TCF12: variants seen among roughly 807,000 people sequenced by gnomAD.
TCF12 encodes DNA-binding protein HTF4.
TCF12 carries 45 observed loss-of-function variants against 86.0 expected under a neutral mutation model. The observed-to-expected ratio is 0.52, with a 90% CI of 0.41 to 0.67. The LOEUF is 0.67. Ranked by LOEUF, TCF12 falls within the 30% of genes least tolerant of loss-of-function variation. The pLI, the probability that TCF12 is intolerant of heterozygous loss-of-function variation, is 0.00. For synonymous variants in TCF12, 330 were observed against 299.6 expected (o/e 1.10, Z -1.05); for missense variants, 881 against 859.9 (o/e 1.02, Z -0.31).
chr15:56,950,640 TTAATTG>T (rs2061223837), intron 3 of TCF12, among the ~76,000 whole-genome samples: 1 of 152,196 alleles, frequency 6.6e-6, no homozygotes, highest in Non-Finnish European at 1.5e-5. Flanking sequence ...TTCTTATTTC[TTAATTG>T]TAATTCATAT....
intron 3 of TCF12, among the ~76,000 whole-genome samples, chr15:57,043,698 G>A (rs2067043288): frequency 6.6e-6 from 1 of 152,182 alleles, no homozygotes; most frequent in Admixed American, 6.5e-5. Context: ...TGAATTTCTG[G>A]AAGTCTTTGT....
intron 5 of TCF12, among the ~76,000 whole-genome samples, chr15:57,106,330 TG>T (rs36044420): frequency 0.89 from 135,044 of 152,228 alleles, 60,446 homozygotes; most frequent in East Asian, 0.97. Flanking sequence ...TTACGTAAGA[TG>T]GTAGGGGAAA....
intron 3 of TCF12, among the ~76,000 whole-genome samples, chr15:56,968,742 G>A (rs566316255): frequency 1.3e-5 from 2 of 152,326 alleles, no homozygotes; most frequent in Non-Finnish European, 2.9e-5. Flanking sequence ...GGTTAAGGAT[G>A]TGCCAGTGAC....
At chr15:56,920,997 C>G in intron 2 of TCF12, 29 bp from the exon 3 acceptor site, 2 of 1,554,232 alleles carry the variant, frequency 1.3e-6, no homozygotes, top group Non-Finnish European at 1.7e-6. Context: ...AATTTCAGGA[C>G]TAACAGATAT....
chr15:57,152,968 A>G lies in TCF12; in HGVS notation c.326-13434A>G, dbSNP rs146443498. Among the ~76,000 whole-genome samples, 168 of 152,310 alleles carry G rather than the reference A, an allele frequency of 1.1e-3. 1 individual carries two copies. Among genetic ancestry groups the G allele is most frequent in the African/African-American group, 3.8e-3 (158 of 41,550 alleles). On this transcript the variant is annotated intron_variant, in intron 5 of 20. Coordinates refer to ENST00000333725, the MANE Select transcript of TCF12 (RefSeq NM_207037.2). ...AGGCAGAAAAAAAAACACATCATGT[A>G]TAGAACAACAAAGATAAACTACAGC...
chr15:57,018,858 G>A (rs1298945072), intron 3 of TCF12, among the ~76,000 whole-genome samples: 3 of 152,190 alleles, frequency 2.0e-5, no homozygotes, highest in African/African-American at 4.8e-5. Context: ...TGCTTTGGAT[G>A]TTGATGAGCC....
intron 4 of TCF12, among the ~76,000 whole-genome samples, chr15:57,073,441 CAATG>C (rs1350505886): frequency 1.3e-5 from 2 of 152,106 alleles, no homozygotes; most frequent in Admixed American, 6.5e-5. Context: ...AAATTAATAA[CAATG>C]AAATCATAAC....
intron 5 of TCF12, chr15:57,129,890 A>G (rs529760454): frequency 2.7e-4 from 41 of 152,332 alleles, no homozygotes; most frequent in African/African-American, 7.5e-4. Context: ...AGATTTTTGT[A>G]TTCGTGCTAG....
chr15:57,199,282 A>T (rs1188319463), intron 8 of TCF12, among the ~76,000 whole-genome samples: 2 of 152,216 alleles, frequency 1.3e-5, no homozygotes, highest in African/African-American at 4.8e-5. Context: ...GTGGTTCAAC[A>T]GCATAACAGA....
intron 13 of TCF12, chr15:57,247,045 G>T: frequency 3.6e-6 from 2 of 554,544 alleles, no homozygotes; most frequent in Non-Finnish European, 7.0e-6. Flanking sequence ...CCTTTCATGG[G>T]TTCATAGTTT....
intron 4 of TCF12, among the ~76,000 whole-genome samples, chr15:57,068,800 C>T (rs1351491983): frequency 2.0e-5 from 3 of 152,058 alleles, no homozygotes; most frequent in Admixed American, 6.6e-5. Context: ...GGGAAAGTTA[C>T]TTCTATGTGT....
intron 8 of TCF12, among the ~76,000 whole-genome samples, chr15:57,210,186 A>G (rs1440524200): frequency 6.6e-6 from 1 of 152,076 alleles, no homozygotes; most frequent in East Asian, 1.9e-4. Flanking sequence ...CCTGCAGCAC[A>G]GAGGTGCATA....
chr15:57,034,078 A>G (rs1456732186), intron 3 of TCF12, among the ~76,000 whole-genome samples: 1 of 152,188 alleles, frequency 6.6e-6, no homozygotes, highest in Non-Finnish European at 1.5e-5. Flanking sequence ...ATTGGTTTTT[A>G]TAGTACCTGT....
intron 3 of TCF12, among the ~76,000 whole-genome samples, chr15:56,939,917 C>T (rs2060648924): frequency 6.7e-6 from 1 of 150,220 alleles, no homozygotes. Flanking sequence ...TGTAGAACCA[C>T]AGTCAGCTCT....
intron 4 of TCF12, among the ~76,000 whole-genome samples, chr15:57,068,559 A>G (rs1185149372): frequency 3.9e-5 from 6 of 152,146 alleles, no homozygotes; most frequent in African/African-American, 1.2e-4. Flanking sequence ...CCAAACTTGG[A>G]TATAAAAGTT....
At chr15:56,968,624 T>C (rs1264977151) in intron 3 of TCF12, among the ~76,000 whole-genome samples, 2 of 152,246 alleles carry the variant, frequency 1.3e-5, no homozygotes, top group African/African-American at 4.8e-5. Flanking sequence ...TTGGCTTTTA[T>C]TCTGAGTGAA....
chr15:57,002,041 C>T (rs537304231), intron 3 of TCF12, among the ~76,000 whole-genome samples: 2 of 152,286 alleles, frequency 1.3e-5, no homozygotes, highest in South Asian at 2.1e-4. Context: ...AGTTGAGAAG[C>T]GTATCTATGT....
chr15:57,258,443 G>T (rs774221426), intron 16 of TCF12, among the ~76,000 whole-genome samples: 6 of 152,154 alleles, frequency 3.9e-5, no homozygotes, highest in Non-Finnish European at 5.9e-5. Flanking sequence ...GAAAAGTACG[G>T]TTATTCCTCA....
chr15:56,955,202 C>T (rs534607278), intron 3 of TCF12, among the ~76,000 whole-genome samples: 9 of 152,230 alleles, frequency 5.9e-5, no homozygotes, highest in Middle Eastern at 3.4e-3. Flanking sequence ...ACATATACAC[C>T]ATGGAATACT....
Sources: allele counts gnomAD v4.1 joint callset (sites outside exome capture counted in the v4.1 genomes callset), GRCh38; gene constraint gnomAD v4.1.1; transcripts MANE v1.5; gene names NCBI Gene and HGNC (gene_info 2026-07-23, HGNC 2026-07-21).